Variants in COL4A4 observed in about 807,000 individuals in gnomAD.
COL4A4 encodes the protein collagen alpha-4(IV) chain.
Under a neutral mutation model 192.9 loss-of-function variants are expected in COL4A4, and 105 were observed. That is an observed-to-expected ratio of 0.54 (90% CI 0.46 to 0.64). COL4A4 has a LOEUF of 0.64. COL4A4 is among the 30% of genes least tolerant of loss of function. The pLI, the probability that COL4A4 is intolerant of heterozygous loss-of-function variation, is 0.00. For synonymous variants in COL4A4, 762 were observed against 769.9 expected (o/e 0.99, Z 0.17); for missense variants, 1,967 against 2,169.3 (o/e 0.91, Z 1.85).
At chr2:227,021,927 A>G in intron 44 of COL4A4, 121 bp downstream of exon 44, 1 of 1,174,028 alleles carries the variant, frequency 8.5e-7, no homozygotes. Flanking sequence ...TTGCAAAGGG[A>G]AAGACATGCT....
the COL4A4 span, chr2:226,997,147 C>G: frequency 4.7e-4 from 72 of 152,204 alleles, no homozygotes; most frequent in Admixed American, 2.2e-3. Flanking sequence ...GGCCTCCTGG[C>G]TGGCCCAGTA....
intron 5 of COL4A4, among the ~76,000 whole-genome samples, chr2:227,120,400 G>A (rs1040353364): frequency 1.3e-5 from 2 of 152,108 alleles, no homozygotes; most frequent in Admixed American, 1.3e-4. Flanking sequence ...GATAAGGAAT[G>A]GTCTCTAAGA....
rs1454126441 is a variant in COL4A4, at chr2:227,002,803, G to C, written c.*4522C>G. On this transcript the variant is annotated 3_prime_UTR_variant, in exon 48 of 48. Coordinates refer to ENST00000396625, the MANE Select transcript of COL4A4 (RefSeq NM_000092.5). Reference sequence around the variant, plus strand: ...TATTTAAGTGCCAATGGCAGACCAGGCATCTTGCAAAAGTTACATGCTGAA... The same window carrying C: ...TATTTAAGTGCCAATGGCAGACCAGCCATCTTGCAAAAGTTACATGCTGAA... 1 of 152,588 alleles carries C rather than the reference G, an allele frequency of 6.6e-6. No individual in the cohort carries two copies. Among genetic ancestry groups the C allele is most frequent in the Non-Finnish European group, 1.5e-5 (1 of 68,038 alleles). The allele number at this position is 152,588 out of a possible 1,614,324, so 9.5% of individuals were successfully genotyped here.
chr2:227,059,332 TA>T, intron 28 of COL4A4, 72 bp downstream of exon 28: 1 of 1,276,762 alleles, frequency 7.8e-7, no homozygotes, highest in Non-Finnish European at 1.1e-6. Flanking sequence ...CAAAATAATC[TA>T]AACGTTCTTC....
chr2:227,117,263 C>A (rs2061537381), intron 7 of COL4A4, among the ~76,000 whole-genome samples: 1 of 152,110 alleles, frequency 6.6e-6, no homozygotes, highest in Non-Finnish European at 1.5e-5. Context: ...GTACTGCATG[C>A]TATGTTAAAG....
the COL4A4 span, among the ~76,000 whole-genome samples, chr2:226,979,635 A>C: frequency 4.6e-5 from 7 of 152,162 alleles, no homozygotes; most frequent in African/African-American, 7.2e-5. Flanking sequence ...CAGGCTGGGT[A>C]CCCTTCTACC....
At chr2:226,987,755 G>T in the COL4A4 span, among the ~76,000 whole-genome samples, 3 of 152,204 alleles carry the variant, frequency 2.0e-5, no homozygotes, top group Non-Finnish European at 4.4e-5. Flanking sequence ...ATTTGCCACA[G>T]CATTTCTCAG....
chr2:227,023,814 C>T (rs917882304), intron 43 of COL4A4, among the ~76,000 whole-genome samples: 3 of 151,874 alleles, frequency 2.0e-5, no homozygotes, highest in African/African-American at 7.3e-5. Flanking sequence ...GAGATTGAGA[C>T]CATCCTAGCC....
chr2:226,996,134 G>C, the COL4A4 span: 1 of 152,806 alleles, frequency 6.5e-6, no homozygotes, highest in Non-Finnish European at 1.5e-5. Context: ...TCTTATTGAA[G>C]AAGTGTAAGA....
intron 25 of COL4A4, among the ~76,000 whole-genome samples, chr2:227,074,883 G>A (rs1482799885): frequency 6.6e-6 from 1 of 152,078 alleles, no homozygotes; most frequent in Admixed American, 6.6e-5. Context: ...TGATATAATG[G>A]ACTTCAGAGA....
chr2:227,049,351 C>G (rs952974591), intron 34 of COL4A4, among the ~76,000 whole-genome samples: 15 of 152,220 alleles, frequency 9.9e-5, no homozygotes, highest in Non-Finnish European at 1.5e-5. Flanking sequence ...GGGGCCAAAT[C>G]TAGCCTGCAG....
At chr2:227,070,875 T>TAATA (rs146033855) in intron 25 of COL4A4, among the ~76,000 whole-genome samples, 23,638 of 149,722 alleles carry the variant, frequency 0.16, 2,935 homozygotes, top group African/African-American at 0.34. Flanking sequence ...TAAAGTATAA[T>TAATA]AATAAATAAA....
chr2:227,041,838 A>AAGAAAGAAAG lies in COL4A4; in HGVS notation c.3505+300_3505+309dup, dbSNP rs1389116133. ...AAAGAAAGAAAGAAAGAAAGAAAGA[A>AAGAAAGAAAG]AGAAAGAAAGAGAAAGAAAGAAAGA... On this transcript the variant is annotated intron_variant, in intron 37 of 47. Transcript: ENST00000396625. 2.6e-4 allele frequency among the ~76,000 whole-genome samples: 11 copies of AAGAAAGAAAG among 41,620 alleles called. 1 individual carries two copies. The highest frequency in any genetic ancestry group is 1.0e-3 in the South Asian group (1 of 966). The allele number at this position is 41,620 out of a possible 152,430, so 27.3% of individuals were successfully genotyped here.
chr2:226,988,473 C>G, the COL4A4 span: 25 of 1,545,850 alleles, frequency 1.6e-5, no homozygotes, highest in Non-Finnish European at 2.2e-5. Flanking sequence ...TGCAGGGTCC[C>G]TGTAGTGGAG....
intron 25 of COL4A4, among the ~76,000 whole-genome samples, chr2:227,071,968 C>T (rs904071408): frequency 6.6e-6 from 1 of 151,740 alleles, no homozygotes; most frequent in South Asian, 2.1e-4. Context: ...ACATTGACAA[C>T]CTAAAGTCAC....
At chr2:227,051,289 C>A (rs557669724) in intron 32 of COL4A4, 131 bp from the exon 33 acceptor site, 37 of 916,398 alleles carry the variant, frequency 4.0e-5, no homozygotes, top group Non-Finnish European at 6.6e-5. Flanking sequence ...TGTCCCAAGC[C>A]GCTTCCTGAT....
At chr2:227,012,372 T>C in intron 44 of COL4A4, 75 bp from the exon 45 acceptor site, 1 of 1,174,506 alleles carries the variant, frequency 8.5e-7, no homozygotes, top group South Asian at 1.2e-5. Context: ...TTATACCGTA[T>C]GCCAGCCGTG....
At chr2:227,031,334 T>C (rs1386741481) in intron 40 of COL4A4, among the ~76,000 whole-genome samples, 1 of 152,202 alleles carries the variant, frequency 6.6e-6, no homozygotes, top group Non-Finnish European at 1.5e-5. Flanking sequence ...AGAGCTTGTA[T>C]GAATGCAATT....
intron 22 of COL4A4, among the ~76,000 whole-genome samples, chr2:227,083,865 A>C (rs2059446813): frequency 6.6e-6 from 1 of 152,160 alleles, no homozygotes; most frequent in African/African-American, 2.4e-5. Context: ...ACCAGTGGAG[A>C]TGGGCACAGT....
Sources: allele counts gnomAD v4.1 joint callset (sites outside exome capture counted in the v4.1 genomes callset), GRCh38; gene constraint gnomAD v4.1.1; transcripts MANE v1.5; gene names NCBI Gene and HGNC (gene_info 2026-07-23, HGNC 2026-07-21).